CPVL: variants seen among roughly 807,000 people sequenced by gnomAD.
CPVL encodes the protein probable serine carboxypeptidase CPVL.
Under a neutral mutation model 63.7 loss-of-function variants are expected in CPVL, and 51 were observed. That is an observed-to-expected ratio of 0.80 (90% CI 0.64 to 1.01). The LOEUF (loss-of-function observed/expected upper bound fraction) is 1.01, where lower values mean the gene tolerates loss of function less well. Among genes scored for constraint, CPVL ranks in the 50% least tolerant of loss-of-function variants. CPVL has a pLI of 0.00. For missense variants in CPVL, 530 were observed against 573.1 expected (o/e 0.92, Z 0.77); for synonymous variants, 195 against 206.0 (o/e 0.95, Z 0.46).
chr7:29,170,886 T>C (rs918536874), intron 5 of CPVL, among the ~76,000 whole-genome samples: 2 of 152,102 alleles, frequency 1.3e-5, no homozygotes, highest in East Asian at 1.9e-4. Context: ...CTTCCCCTTA[T>C]AGCAACTATC....
At chr7:29,162,285 C>T (rs892584620) in intron 5 of CPVL, among the ~76,000 whole-genome samples, 3 of 152,146 alleles carry the variant, frequency 2.0e-5, no homozygotes, top group Non-Finnish European at 4.4e-5. Context: ...AATAGTTGAA[C>T]ACACAACCAT....
At chr7:29,065,919 T>C (rs925925177) in intron 10 of CPVL, 104 bp downstream of exon 10, 12 of 637,338 alleles carry the variant, frequency 1.9e-5, no homozygotes, top group Non-Finnish European at 2.8e-5. Context: ...TTTGGACATG[T>C]TGGTCTAGTA....
intron 6 of CPVL, among the ~76,000 whole-genome samples, chr7:29,088,997 ATG>A (rs1351404907): frequency 6.6e-6 from 1 of 152,136 alleles, no homozygotes; most frequent in Non-Finnish European, 1.5e-5. Flanking sequence ...ATACATAAGC[ATG>A]TGTGTTCACA....
At chr7:29,177,446 G>A (rs972713763) in intron 5 of CPVL, among the ~76,000 whole-genome samples, 7 of 151,880 alleles carry the variant, frequency 4.6e-5, no homozygotes, top group Non-Finnish European at 1.0e-4. Flanking sequence ...TAGAGATGGG[G>A]TTTCACCATG....
rs375849431 is a variant in CPVL, at chr7:29,112,827, T to C, written c.170-5A>G. Reference sequence around the variant, plus strand: ...CGACCAAACTCAATTCTCTTCCTAGTGGGGGAAAAAAAATTTACCCAAGGA... The same window carrying C: ...CGACCAAACTCAATTCTCTTCCTAGCGGGGGAAAAAAAATTTACCCAAGGA... On this transcript the variant is annotated splice_polypyrimidine_tract_variant and splice_region_variant and intron_variant, in intron 2 of 12. Transcript: ENST00000265394. 13 of 1,596,822 alleles carry C rather than the reference T, an allele frequency of 8.1e-6. No individual in the cohort carries two copies. In the African/African-American group the frequency reaches 1.5e-4, roughly 19 times the overall value.
At chr7:29,004,460 T>G (rs986605541) in intron 12 of CPVL, among the ~76,000 whole-genome samples, 43 of 152,210 alleles carry the variant, frequency 2.8e-4, no homozygotes, top group Admixed American at 2.8e-3. Flanking sequence ...CAAGAATTTC[T>G]GTGTTAATTT....
chr7:29,123,664 T>TA (rs1308582698), intron 1 of CPVL, among the ~76,000 whole-genome samples: 56 of 102,230 alleles, frequency 5.5e-4, no homozygotes, highest in African/African-American at 1.7e-3. Flanking sequence ...TATGCAATAT[T>TA]AAAAAAAAAT....
intron 3 of CPVL, among the ~76,000 whole-genome samples, chr7:29,104,651 A>G (rs1787542385): frequency 6.6e-6 from 1 of 152,164 alleles, no homozygotes; most frequent in African/African-American, 2.4e-5. Context: ...GATTTGTACC[A>G]GCTTACACCC....
chr7:29,103,969 G>T (rs900477997), intron 3 of CPVL, among the ~76,000 whole-genome samples: 8 of 152,132 alleles, frequency 5.3e-5, no homozygotes, highest in African/African-American at 1.9e-4. Context: ...CTCCCATTTT[G>T]CCATACAGAT....
At chr7:29,153,201 C>T (rs976216410) in intron 5 of CPVL, among the ~76,000 whole-genome samples, 1 of 152,190 alleles carries the variant, frequency 6.6e-6, no homozygotes, top group African/African-American at 2.4e-5. Context: ...ATAAGTGTTA[C>T]ATATCTAGAC....
intron 1 of CPVL, chr7:29,127,662 T>A (rs1158681333): frequency 6.6e-6 from 1 of 152,208 alleles, no homozygotes; most frequent in Non-Finnish European, 1.5e-5. Context: ...CTTTTTCTCC[T>A]GAGAGCTGGC....
chr7:29,139,531 T>TG (rs142548703), intron 1 of CPVL, among the ~76,000 whole-genome samples: 9,090 of 96,572 alleles, frequency 0.094, 310 homozygotes, highest in African/African-American at 0.15. Flanking sequence ...AGGCTATTCT[T>TG]GGGGGGGCAG....
intron 5 of CPVL, among the ~76,000 whole-genome samples, chr7:29,169,957 G>T (rs1015813278): frequency 1.3e-5 from 2 of 151,804 alleles, no homozygotes; most frequent in African/African-American, 4.8e-5. Context: ...GCTCATTGCA[G>T]CCTTGAACCC....
chr7:29,104,489 G>C (rs1256660493), intron 3 of CPVL, among the ~76,000 whole-genome samples: 1 of 152,160 alleles, frequency 6.6e-6, no homozygotes, highest in Non-Finnish European at 1.5e-5. Flanking sequence ...TCGAACTTCT[G>C]ACCTCAAGTG....
chr7:29,190,454 T>C (rs1031128965), intron 1 of CPVL, among the ~76,000 whole-genome samples: 2 of 152,240 alleles, frequency 1.3e-5, no homozygotes, highest in African/African-American at 4.8e-5. Context: ...GCTCCTGCTA[T>C]GACAGCCACG....
chr7:29,060,487 A>C (rs318114), intron 11 of CPVL, among the ~76,000 whole-genome samples: 7,725 of 152,282 alleles, frequency 0.051, 670 homozygotes, highest in African/African-American at 0.18. Flanking sequence ...CAAATAGCCC[A>C]ACAGATTGTT....
chr7:29,176,501 G>C (rs1336923970), intron 5 of CPVL, among the ~76,000 whole-genome samples: 1 of 152,134 alleles, frequency 6.6e-6, no homozygotes, highest in African/African-American at 2.4e-5. Flanking sequence ...TTAACTGTCA[G>C]CTTGAATCCT....
intron 5 of CPVL, among the ~76,000 whole-genome samples, chr7:29,179,732 A>AT (rs1180999029): frequency 6.6e-6 from 1 of 152,196 alleles, no homozygotes. Flanking sequence ...TAGCTATTCT[A>AT]TTTTATATCA....
At chr7:29,070,192 G>A (rs1020642604) in intron 9 of CPVL, among the ~76,000 whole-genome samples, 7 of 152,168 alleles carry the variant, frequency 4.6e-5, no homozygotes, top group East Asian at 1.9e-4. Context: ...GGTTTCTGAC[G>A]TATCCGGTTT....
Sources: gnomAD v4.1 joint callset for allele counts (sites outside exome capture counted in the v4.1 genomes callset) on GRCh38, gnomAD v4.1.1 for gene constraint, MANE v1.5 for transcripts, NCBI Gene and HGNC (gene_info 2026-07-23, HGNC 2026-07-21) for gene names.